The following PKHD1 variants were observed in gnomAD, a reference collection of about 807,000 sequenced individuals.
PKHD1 encodes PKHD1 ciliary IPT domain containing fibrocystin/polyductin.
A neutral mutation model predicts 412.0 loss-of-function variants in PKHD1; 291 were observed. The ratio of observed to expected loss-of-function variants is 0.71; its 90% CI spans 0.64 to 0.78. PKHD1 has a LOEUF of 0.78. PKHD1 is among the 30% of genes least tolerant of loss of function. The pLI is 0.00. For missense variants in PKHD1, 4,825 were observed against 4,950.7 expected (o/e 0.97, Z 0.76); for synonymous variants, 1,777 against 1,821.5 (o/e 0.98, Z 0.62).
rs538542320 is a variant in PKHD1, at chr6:51,767,368, G to A, written c.8642+5334C>T. Among the ~76,000 whole-genome samples the A allele has an allele frequency of 3.3e-5, 5 of 151,802 alleles. No homozygotes were observed. The South Asian group carries it at 1.0e-3, about 32-fold the overall frequency. On this transcript the variant is annotated intron_variant, in intron 55 of 66. Coordinates refer to ENST00000371117, the MANE Select transcript of PKHD1 (RefSeq NM_138694.4). ...TATTATTATTATACTTCAAGTTTTA[G>A]GGTACATGTGCACAACGTGCAGGTT...
chr6:51,688,870 C>T (rs927135449), intron 60 of PKHD1, among the ~76,000 whole-genome samples: 1 of 151,882 alleles, frequency 6.6e-6, no homozygotes, highest in African/African-American at 2.4e-5. Flanking sequence ...GCCTACTAAC[C>T]AAAAAAAGCC....
chr6:51,919,382 G>A (rs543538194), intron 37 of PKHD1, among the ~76,000 whole-genome samples: 2 of 152,284 alleles, frequency 1.3e-5, no homozygotes, highest in Non-Finnish European at 2.9e-5. Context: ...TTATTAAATA[G>A]GGAATCCTTT....
Position 51,746,828 on chromosome 6 carries a change from T to G in PKHD1, c.9891A>C (p.Leu3297=), listed in dbSNP as rs1785250156. ...CYSDDLDVCI[L]PNAENSGIMH... ...TAATTCCACTGTTCTCTGCATTTGG[T>G]AGAATGCAGACATCCAGGTCATCGC... is the stretch of plus-strand genomic sequence containing the variant. The change falls in exon 59 of 67, where the codon CTA becomes CTC. Residue 3297 remains leucine (L), a synonymous_variant. Transcript: ENST00000371117. 6.2e-7 allele frequency: 1 copy of G among 1,603,090 alleles called. No homozygotes were observed. Among genetic ancestry groups the G allele is most frequent in the Admixed American group, 1.7e-5 (1 of 59,906 alleles).
intron 48 of PKHD1, among the ~76,000 whole-genome samples, chr6:51,864,038 AC>A (rs1562489521): frequency 6.6e-6 from 1 of 152,178 alleles, no homozygotes; most frequent in Non-Finnish European, 1.5e-5. Flanking sequence ...AAGAGCTAGC[AC>A]ACAACAGAGA....
intron 37 of PKHD1, among the ~76,000 whole-genome samples, chr6:51,920,695 T>C (rs547070576): frequency 8.5e-5 from 13 of 152,352 alleles, no homozygotes; most frequent in African/African-American, 3.1e-4. Context: ...TCAGAAGGAA[T>C]GGTATCAGCT....
intron 29 of PKHD1, among the ~76,000 whole-genome samples, chr6:52,030,635 A>G (rs1562183152): frequency 6.6e-6 from 1 of 151,412 alleles, no homozygotes; most frequent in Admixed American, 6.6e-5. Flanking sequence ...AGGCAACAGT[A>G]TTGGGCCACC....
rs1803814845 is a variant in PKHD1, at chr6:52,035,593, TG to T, written c.3225del (p.Arg1076GlyfsTer8). The T allele has an allele frequency of 6.2e-7, 1 of 1,613,834 alleles. No individual in the cohort carries two copies. The highest frequency in any genetic ancestry group is 8.5e-7 in the Non-Finnish European group (1 of 1,179,856). On this transcript the variant is annotated frameshift_variant, in exon 28 of 67. Coordinates refer to ENST00000371117, the MANE Select transcript of PKHD1 (RefSeq NM_138694.4). LOFTEE classifies it high-confidence loss of function. The stretch of plus-strand genomic sequence containing the variant: ...AGATATGAAAGGAATCCACTTACCC[TG>T]GGTGGAACTTTGCACTGAATTCTGC... The part of the protein sequence containing the change: ...NSSRIQCKVP[P>X]RGKDGRIVNV...
At chr6:52,014,694 CTGGATAGA>C (rs1265440340) in intron 34 of PKHD1, among the ~76,000 whole-genome samples, 10,361 of 121,592 alleles carry the variant, frequency 0.085, 898 homozygotes, top group Non-Finnish European at 0.11. Flanking sequence ...GATGAATATA[CTGGATAGA>C]TGGATGGATG....
At chr6:51,778,357 A>G (rs1351472069) in intron 53 of PKHD1, among the ~76,000 whole-genome samples, 2 of 152,178 alleles carry the variant, frequency 1.3e-5, no homozygotes, top group East Asian at 1.9e-4. Flanking sequence ...ATATTTTCAC[A>G]TGCACAATTT....
At chr6:52,077,060 A>G (rs1811422867) in intron 5 of PKHD1, among the ~76,000 whole-genome samples, 1 of 152,168 alleles carries the variant, frequency 6.6e-6, no homozygotes, top group Non-Finnish European at 1.5e-5. Context: ...CCCTCTGTTA[A>G]CCATAAGCTC....
chr6:51,765,477 C>T (rs1212490410), intron 55 of PKHD1, among the ~76,000 whole-genome samples: 3 of 152,114 alleles, frequency 2.0e-5, no homozygotes, highest in African/African-American at 7.2e-5. Context: ...CACTCTGCGC[C>T]AGCTATAGTG....
intron 63 of PKHD1, among the ~76,000 whole-genome samples, chr6:51,644,035 G>A (rs1184233518): frequency 2.6e-5 from 4 of 152,066 alleles, no homozygotes; most frequent in Admixed American, 6.6e-5. Context: ...ACAATAAGAC[G>A]AAGCAAGCTT....
intron 52 of PKHD1, among the ~76,000 whole-genome samples, chr6:51,825,078 A>G (rs1767093984): frequency 6.6e-6 from 1 of 152,230 alleles, no homozygotes; most frequent in South Asian, 2.1e-4. Context: ...AAGTCTGTCC[A>G]GACAGGGAAG....
intron 43 of PKHD1, among the ~76,000 whole-genome samples, chr6:51,891,640 T>G (rs1041103827): frequency 6.6e-6 from 1 of 151,636 alleles, no homozygotes; most frequent in Non-Finnish European, 1.5e-5. Context: ...AGTGATAATA[T>G]AGCGGCACCC....
At chr6:51,752,527 C>T (rs908296358) in intron 57 of PKHD1, among the ~76,000 whole-genome samples, 5 of 152,188 alleles carry the variant, frequency 3.3e-5, no homozygotes, top group African/African-American at 9.6e-5. Flanking sequence ...GTGTCCCATA[C>T]TGAATATATT....
In PKHD1 at chr6:51,775,870, C is replaced by T. The variant is rs561192113; in HGVS notation, c.8492G>A (p.Arg2831Lys). 45 of 1,602,210 alleles carry T rather than the reference C, an allele frequency of 2.8e-5. No homozygotes were observed. Among genetic ancestry groups the T allele is most frequent in the Non-Finnish European group, 3.8e-5 (44 of 1,170,214 alleles). The change falls in exon 54 of 67, where the codon AGA (arginine) becomes AAA (lysine). Residue 2831 changes from arginine to lysine, a missense_variant. Transcript: ENST00000371117. Reference protein sequence around the residue: ...EKEQKLLILLRASEGVFCDRM... With the variant: ...EKEQKLLILLKASEGVFCDRM... The stretch of plus-strand genomic sequence containing the variant: ...GTCACAAAAGACTCCCTCTGAGGCT[C>T]TAAGGAGAATCAGAAGCTTTTGTTC...
chr6:51,902,184 AC>A, intron 43 of PKHD1, among the ~76,000 whole-genome samples: 1 of 152,240 alleles, frequency 6.6e-6, no homozygotes, highest in East Asian at 1.9e-4. Context: ...AGAAAAGTAC[AC>A]AAAAACATGG....
At chr6:51,812,185 G>T (rs927740256) in intron 52 of PKHD1, among the ~76,000 whole-genome samples, 3 of 152,132 alleles carry the variant, frequency 2.0e-5, no homozygotes, top group Admixed American at 6.6e-5. Flanking sequence ...TTTAATAGCT[G>T]GTAGGTCCAC....
At chr6:51,635,853 G>A (rs1375047001) in intron 64 of PKHD1, among the ~76,000 whole-genome samples, 1 of 129,166 alleles carries the variant, frequency 7.7e-6, no homozygotes, top group Non-Finnish European at 1.7e-5. Context: ...TATTTGTGGT[G>A]AAGGTGGGGG....
Sources: allele counts gnomAD v4.1 joint callset (sites outside exome capture counted in the v4.1 genomes callset), GRCh38; gene constraint gnomAD v4.1.1; transcripts MANE v1.5; gene names NCBI Gene and HGNC (gene_info 2026-07-23, HGNC 2026-07-21).